The following FIG4 variants were observed in gnomAD, a reference collection of about 807,000 sequenced individuals.
FIG4 encodes the protein polyphosphoinositide phosphatase.
Under a neutral mutation model 118.6 loss-of-function variants are expected in FIG4, and 112 were observed. The observed-to-expected ratio is 0.94, with a 90% CI of 0.81 to 1.11. The LOEUF (loss-of-function observed/expected upper bound fraction) is 1.11, where lower values mean the gene tolerates loss of function less well. FIG4 is among the 50% of genes least tolerant of loss of function. The pLI is 0.00. For synonymous variants in FIG4, 369 were observed against 381.2 expected (o/e 0.97, Z 0.37); for missense variants, 969 against 1,111.7 (o/e 0.87, Z 1.83).
intron 22 of FIG4, among the ~76,000 whole-genome samples, chr6:109,815,808 A>G (rs1441218350): frequency 2.0e-5 from 3 of 151,960 alleles, no homozygotes; most frequent in African/African-American, 7.2e-5. Flanking sequence ...GCAAACAAAA[A>G]AAAACAATAA....
At chr6:109,777,641 G>A (rs376271974) in intron 16 of FIG4, among the ~76,000 whole-genome samples, 211 of 152,284 alleles carry the variant, frequency 1.4e-3, no homozygotes, top group African/African-American at 4.2e-3. Flanking sequence ...CTGGGAAGAC[G>A]GGAAGCTAGA....
chr6:109,740,448 A>G (rs887471398), intron 7 of FIG4, among the ~76,000 whole-genome samples: 1 of 152,130 alleles, frequency 6.6e-6, no homozygotes, highest in African/African-American at 2.4e-5. Context: ...TTGTACACAC[A>G]TTACTTCACC....
At chr6:109,747,067 G>A (rs1776522751) in intron 10 of FIG4, among the ~76,000 whole-genome samples, 1 of 152,194 alleles carries the variant, frequency 6.6e-6, no homozygotes, top group African/African-American at 2.4e-5. Flanking sequence ...GACATGCTGA[G>A]TGAGGTTTGA....
At chr6:109,727,337 G>A in intron 4 of FIG4, 72 bp downstream of exon 4, 1 of 1,214,160 alleles carries the variant, frequency 8.2e-7, no homozygotes, top group South Asian at 1.2e-5. Context: ...CTGGAAGGCT[G>A]GAATATAATG....
chr6:109,786,271 CTT>C (rs965113850), intron 17 of FIG4, 29 bp from the exon 18 acceptor site: 1 of 1,596,918 alleles, frequency 6.3e-7, no homozygotes, highest in African/African-American at 1.3e-5. Flanking sequence ...TAATCTCAGA[CTT>C]TTAGAGTAAC....
Position 109,763,932 on chromosome 6 carries a change from C to T in FIG4, c.1389-5C>T, listed in dbSNP as rs377752443. ...TTTTTTAAAAGTGTTTATTTTTAAACACAGGTGGAATGAACTAGGAGGATG... is the reference window on the plus strand; with the variant it reads ...TTTTTTAAAAGTGTTTATTTTTAAATACAGGTGGAATGAACTAGGAGGATG... On this transcript the variant is annotated splice_polypyrimidine_tract_variant and splice_region_variant and intron_variant, in intron 12 of 22. Coordinates refer to ENST00000230124, the MANE Select transcript of FIG4 (RefSeq NM_014845.6). 5.6e-6 allele frequency: 9 copies of T among 1,603,402 alleles called. No homozygotes were observed. The highest frequency in any genetic ancestry group is 1.7e-5 in the Admixed American group (1 of 59,976).
At chr6:109,712,356 T>C (rs1775290181) in intron 1 of FIG4, among the ~76,000 whole-genome samples, 1 of 152,232 alleles carries the variant, frequency 6.6e-6, no homozygotes, top group Non-Finnish European at 1.5e-5. Context: ...GTTTTCCAAG[T>C]TGGTTCCATT....
chr6:109,816,707 A>T (rs925498239), intron 22 of FIG4, among the ~76,000 whole-genome samples: 4 of 152,112 alleles, frequency 2.6e-5, no homozygotes, highest in African/African-American at 9.7e-5. Context: ...CCTCTGCACG[A>T]TAATTCTGTA....
intron 4 of FIG4, among the ~76,000 whole-genome samples, chr6:109,731,363 C>T (rs1472586847): frequency 6.6e-6 from 1 of 152,150 alleles, no homozygotes; most frequent in East Asian, 1.9e-4. Flanking sequence ...AACTCTTGCA[C>T]ATGTGTATGG....
At chr6:109,813,751 T>C (rs993421744) in intron 22 of FIG4, among the ~76,000 whole-genome samples, 4 of 152,160 alleles carry the variant, frequency 2.6e-5, no homozygotes, top group Non-Finnish European at 5.9e-5. Context: ...GTGAAAGTTA[T>C]CTCTTGGATC....
At chr6:109,807,835 G>A (rs1434923089) in intron 22 of FIG4, among the ~76,000 whole-genome samples, 1 of 152,132 alleles carries the variant, frequency 6.6e-6, no homozygotes, top group Non-Finnish European at 1.5e-5. Context: ...TGGCTAGCCA[G>A]TTTTCCCAAC....
At chr6:109,717,762 G>T (rs573693731) in intron 3 of FIG4, among the ~76,000 whole-genome samples, 9 of 152,344 alleles carry the variant, frequency 5.9e-5, no homozygotes, top group Admixed American at 5.9e-4. Flanking sequence ...TGCTGGGAAT[G>T]CTGGGGAGTA....
intron 3 of FIG4, among the ~76,000 whole-genome samples, chr6:109,723,528 G>C (rs1775673136): frequency 6.6e-6 from 1 of 152,176 alleles, no homozygotes; most frequent in South Asian, 2.1e-4. Context: ...TAATTTACTT[G>C]ATACATTGTT....
chr6:109,760,050 C>T (rs1777054230), intron 10 of FIG4, among the ~76,000 whole-genome samples, 200 bp from the exon 11 acceptor site: 1 of 152,114 alleles, frequency 6.6e-6, no homozygotes. Context: ...CTTCAAAGTT[C>T]ATTAGCTGTT....
chr6:109,789,620 T>A lies in FIG4; in HGVS notation c.2123T>A (p.Ile708Asn). 1.2e-6 allele frequency: 2 copies of A among 1,613,640 alleles called. No individual in the cohort carries two copies. Residue 708 changes from isoleucine (I) to asparagine (N), a missense_variant, in exon 19 of 23, where the codon ATT becomes AAT. By Grantham distance (149) the Ile-to-Asn change is moderately radical. Transcript: ENST00000230124. ...ARDFMPKTVG[I>N]DPSPFTVRKP... is the part of the protein sequence containing the mutation. Reference sequence around the variant, plus strand: ...GACTTTATGCCTAAGACCGTTGGAATTGATCCAAGTCCATTTACTGTGCGT... The same window carrying A: ...GACTTTATGCCTAAGACCGTTGGAAATGATCCAAGTCCATTTACTGTGCGT...
chr6:109,730,001 G>A (rs1166584734), intron 4 of FIG4, among the ~76,000 whole-genome samples: 1 of 151,864 alleles, frequency 6.6e-6, no homozygotes, highest in Non-Finnish European at 1.5e-5. Flanking sequence ...CTTTTTCATG[G>A]ATGAGTCTTG....
At chr6:109,697,270 A>G (rs141970836) in intron 1 of FIG4, among the ~76,000 whole-genome samples, 2,199 of 151,944 alleles carry the variant, frequency 0.014, 58 homozygotes, top group African/African-American at 0.051. Context: ...TCAAAAAAAA[A>G]AAAAAAAAAG....
At chr6:109,752,335 G>A (rs543960157) in intron 10 of FIG4, among the ~76,000 whole-genome samples, 2,048 of 150,664 alleles carry the variant, frequency 0.014, 50 homozygotes, top group African/African-American at 0.047. Flanking sequence ...ATGATTTGTA[G>A]TCCTTTGGGT....
chr6:109,765,219 C>T (rs1034677233), intron 14 of FIG4, 58 bp downstream of exon 14: 1 of 1,445,942 alleles, frequency 6.9e-7, no homozygotes. Flanking sequence ...AACCTGGTTA[C>T]TAATAAGATT....
Sources: allele counts gnomAD v4.1 joint callset (sites outside exome capture counted in the v4.1 genomes callset), GRCh38; gene constraint gnomAD v4.1.1; transcripts MANE v1.5; gene names NCBI Gene and HGNC (gene_info 2026-07-23, HGNC 2026-07-21).